ERBB4: variants seen among roughly 807,000 people sequenced by gnomAD.
ERBB4 encodes erb-b2 receptor tyrosine kinase 4.
Under a neutral mutation model 158.0 loss-of-function variants are expected in ERBB4, and 42 were observed. The observed-to-expected ratio is 0.27, with a 90% CI of 0.21 to 0.34. The LOEUF is 0.34. ERBB4 is among the 10% of genes least tolerant of loss of function. The pLI is 1.00. For missense variants in ERBB4, 1,333 were observed against 1,624.1 expected, an observed-to-expected ratio of 0.82 and a Z score of 3.08; for synonymous variants, 583 against 558.7, an observed-to-expected ratio of 1.04 and a Z score of -0.61.
At chr2:212,061,614 T>C (rs1331883713) in intron 2 of ERBB4, among the ~76,000 whole-genome samples, 1 of 152,064 alleles carries the variant, frequency 6.6e-6, no homozygotes, top group Admixed American at 6.6e-5. Context: ...AAAACAATAT[T>C]GTAAAGAGTG....
intron 3 of ERBB4, among the ~76,000 whole-genome samples, chr2:211,853,170 T>G (rs1283450626): frequency 6.6e-6 from 1 of 151,982 alleles, no homozygotes; most frequent in Non-Finnish European, 1.5e-5. Flanking sequence ...TTATATGGTT[T>G]TAGGCTGGAA....
intron 1 of ERBB4, among the ~76,000 whole-genome samples, chr2:212,166,547 AACT>A (rs899652667): frequency 3.3e-5 from 5 of 150,960 alleles, no homozygotes; most frequent in Admixed American, 1.3e-4. Context: ...ATTCCCATCA[AACT>A]ACCATTGACA....
intron 1 of ERBB4, among the ~76,000 whole-genome samples, chr2:212,151,223 C>G (rs1004804161): frequency 1.3e-5 from 2 of 151,268 alleles, no homozygotes; most frequent in African/African-American, 4.8e-5. Flanking sequence ...ATGTTCTAAT[C>G]TCTTTGTTAA....
chr2:211,870,068 T>G (rs1056905589), intron 3 of ERBB4, among the ~76,000 whole-genome samples: 1 of 152,180 alleles, frequency 6.6e-6, no homozygotes. Context: ...CTCCAATTGT[T>G]TCCTTCTTCC....
intron 1 of ERBB4, among the ~76,000 whole-genome samples, chr2:212,234,358 A>G (rs988800197): frequency 7.2e-4 from 109 of 152,118 alleles, no homozygotes; most frequent in African/African-American, 2.5e-3. Flanking sequence ...TATATGTGTC[A>G]CCTTTTCTTT....
intron 3 of ERBB4, among the ~76,000 whole-genome samples, chr2:211,931,393 T>C (rs765310588): frequency 6.6e-6 from 1 of 152,044 alleles, no homozygotes; most frequent in Non-Finnish European, 1.5e-5. Context: ...TCCCTAGATA[T>C]GCACATAGAG....
intron 1 of ERBB4, among the ~76,000 whole-genome samples, chr2:212,478,396 G>A (rs988759243): frequency 3.3e-5 from 5 of 151,952 alleles, no homozygotes; most frequent in Non-Finnish European, 7.4e-5. Context: ...TTTGAACTAC[G>A]AAATCCCAAA....
chr2:212,164,650 A>T (rs192782300), intron 1 of ERBB4, among the ~76,000 whole-genome samples: 1 of 152,096 alleles, frequency 6.6e-6, no homozygotes, highest in African/African-American at 2.4e-5. Context: ...TATCCATCAG[A>T]TAGGTCTGAT....
chr2:211,670,268 C>A (rs1425818492), intron 14 of ERBB4, among the ~76,000 whole-genome samples: 2 of 152,228 alleles, frequency 1.3e-5, no homozygotes, highest in East Asian at 3.9e-4. Context: ...AGAAACCAAA[C>A]CATAGTGGGA....
intron 1 of ERBB4, among the ~76,000 whole-genome samples, chr2:212,267,719 A>C (rs1169235027): frequency 6.6e-6 from 1 of 150,872 alleles, no homozygotes; most frequent in Non-Finnish European, 1.5e-5. Flanking sequence ...ATTTAACGTT[A>C]GGTGTATCTC....
In ERBB4 at chr2:211,562,188, A is replaced by T. The variant is rs1388644703; in HGVS notation, c.2302-100T>A. On this transcript the variant is annotated intron_variant, in intron 19 of 27. Coordinates refer to ENST00000342788, the MANE Select transcript of ERBB4 (RefSeq NM_005235.3). ...TGGTGCTGATGATTTTTAAAAATGT[A>T]CTCTTACTCAATGGAATCAATCAAA... The T allele has an allele frequency of 6.3e-6, 6 of 951,100 alleles. No homozygotes were observed. The East Asian group carries it at 1.2e-4, about 20-fold the overall frequency. 58.9% of individuals were successfully genotyped at this position (951,100 alleles called of 1,614,324 possible).
chr2:212,342,088 A>G (rs1203947586), intron 1 of ERBB4, among the ~76,000 whole-genome samples: 1 of 152,162 alleles, frequency 6.6e-6, no homozygotes, highest in Non-Finnish European at 1.5e-5. Flanking sequence ...GGGAGATCTC[A>G]TCTCTACAAA....
chr2:211,418,416 C>A (rs1451818849), intron 25 of ERBB4, among the ~76,000 whole-genome samples: 3 of 152,050 alleles, frequency 2.0e-5, no homozygotes, highest in Non-Finnish European at 4.4e-5. Context: ...ATTTAATCAC[C>A]ATTTCTTTTC....
intron 1 of ERBB4, among the ~76,000 whole-genome samples, chr2:212,186,755 T>A (rs2082027044): frequency 6.6e-6 from 1 of 152,148 alleles, no homozygotes; most frequent in African/African-American, 2.4e-5. Context: ...TTATTTTTTT[T>A]AAATGAACAT....
intron 3 of ERBB4, among the ~76,000 whole-genome samples, chr2:211,915,542 A>G (rs1292270526): frequency 6.6e-6 from 1 of 151,798 alleles, no homozygotes; most frequent in African/African-American, 2.4e-5. Flanking sequence ...TTTTAGTTAC[A>G]TATGTTTAAA....
chr2:212,309,571 T>TTGTTATCA (rs1277785829), intron 1 of ERBB4, among the ~76,000 whole-genome samples: 1 of 150,766 alleles, frequency 6.6e-6, no homozygotes, highest in African/African-American at 2.4e-5. Flanking sequence ...CAATCAGTAT[T>TTGTTATCA]TGTTATCATT....
At chr2:211,796,939 G>GA (rs1364506437) in intron 3 of ERBB4, among the ~76,000 whole-genome samples, 1 of 151,746 alleles carries the variant, frequency 6.6e-6, no homozygotes, top group Non-Finnish European at 1.5e-5. Flanking sequence ...AAATGTCTTA[G>GA]AAAAAATTAA....
intron 14 of ERBB4, among the ~76,000 whole-genome samples, chr2:211,671,041 A>G (rs2071818860): frequency 6.6e-6 from 1 of 152,126 alleles, no homozygotes; most frequent in Admixed American, 6.6e-5. Flanking sequence ...TTACTATGCA[A>G]CATTTAAGCA....
At chr2:212,109,690 G>A (rs2079344506) in intron 2 of ERBB4, among the ~76,000 whole-genome samples, 1 of 152,170 alleles carries the variant, frequency 6.6e-6, no homozygotes, top group South Asian at 2.1e-4. Context: ...CAGCATTGAA[G>A]CTAGGAGGAT....
Sources: allele counts gnomAD v4.1 joint callset (sites outside exome capture counted in the v4.1 genomes callset), GRCh38; gene constraint gnomAD v4.1.1; transcripts MANE v1.5; gene names NCBI Gene and HGNC (gene_info 2026-07-23, HGNC 2026-07-21).